Variants in DPP10 observed in about 807,000 individuals in gnomAD.
DPP10 encodes the protein inactive dipeptidyl peptidase 10.
In DPP10, 33 loss-of-function variants were observed where a neutral mutation model predicts 120.9. The observed-to-expected ratio is 0.27, with a 90% confidence interval of 0.21 to 0.37. The LOEUF is 0.37. Ranked by LOEUF, DPP10 falls within the 10% of genes least tolerant of loss-of-function variation. The probability of loss-of-function intolerance (pLI) is 1.00; values close to 1 mark genes in which losing one functional copy is unlikely to be tolerated. For missense variants in DPP10, 816 were observed against 942.8 expected, an observed-to-expected ratio of 0.87 and a Z score of 1.76; for synonymous variants, 337 against 326.1, an observed-to-expected ratio of 1.03 and a Z score of -0.36.
intron 5 of DPP10, among the ~76,000 whole-genome samples, chr2:115,542,985 T>A (rs966132481): frequency 6.6e-6 from 1 of 152,104 alleles, no homozygotes; most frequent in Admixed American, 6.6e-5. Flanking sequence ...ATTTACGAAA[T>A]GTTGTGTCAG....
At chr2:115,511,016 T>C (rs1483918801) in intron 4 of DPP10, among the ~76,000 whole-genome samples, 1 of 152,160 alleles carries the variant, frequency 6.6e-6, no homozygotes, top group South Asian at 2.1e-4. Context: ...ATTTGTTTAG[T>C]AGTCCAGGCT....
chr2:115,339,468 G>C (rs896872343), intron 2 of DPP10, among the ~76,000 whole-genome samples: 16 of 152,084 alleles, frequency 1.1e-4, no homozygotes, highest in Non-Finnish European at 2.9e-5. Context: ...TTATCTTGGA[G>C]AAAAGAAAAT....
intron 1 of DPP10, among the ~76,000 whole-genome samples, chr2:114,856,171 TATCA>T (rs1338312607): frequency 6.6e-6 from 1 of 152,194 alleles, no homozygotes; most frequent in Non-Finnish European, 1.5e-5. Flanking sequence ...CTTTTTTGGT[TATCA>T]GTGTGATAAA....
rs115178033 is a variant in DPP10, at chr2:115,749,047, A to G, written c.950+2864A>G. On this transcript the variant is annotated intron_variant, in intron 10 of 25. Transcript: ENST00000410059. The stretch of plus-strand genomic sequence containing the variant: ...AATGTAGCATGGTAGGAACTAAGAT[A>G]ATGCCCCTTTTTGAATATCCCCAGA... Among the ~76,000 whole-genome samples the G allele has an allele frequency of 2.6e-3, 394 of 152,296 alleles. 2 individuals carry two copies. The highest frequency in any genetic ancestry group is 9.2e-3 in the African/African-American group (383 of 41,570).
intron 3 of DPP10, among the ~76,000 whole-genome samples, chr2:115,462,520 G>T (rs2074052067): frequency 6.6e-6 from 1 of 151,956 alleles, no homozygotes; most frequent in African/African-American, 2.4e-5. Flanking sequence ...TGGAGGACAA[G>T]GTCCTCCATG....
At chr2:114,871,792 G>T (rs2106564366) in intron 1 of DPP10, among the ~76,000 whole-genome samples, 1 of 152,292 alleles carries the variant, frequency 6.6e-6, no homozygotes, top group Middle Eastern at 3.4e-3. Flanking sequence ...TAAGAGGTGA[G>T]TGGTGAACAA....
At chr2:114,553,322 T>A (rs1376847687) in intron 1 of DPP10, among the ~76,000 whole-genome samples, 1 of 152,184 alleles carries the variant, frequency 6.6e-6, no homozygotes, top group Non-Finnish European at 1.5e-5. Context: ...CCAGGTTAAA[T>A]CTTATAAGTG....
At chr2:114,864,269 G>A (rs571470081) in intron 1 of DPP10, among the ~76,000 whole-genome samples, 1 of 152,236 alleles carries the variant, frequency 6.6e-6, no homozygotes, top group South Asian at 2.1e-4. Flanking sequence ...GTGAATACAA[G>A]GATGGATAAA....
rs2066864833 is a variant in DPP10, at chr2:115,385,468, G to T, written c.271+41556G>T. Among the ~76,000 whole-genome samples, 3 of 151,214 alleles carry T rather than the reference G, an allele frequency of 2.0e-5. No individual in the cohort carries two copies. The South Asian group carries it at 6.3e-4, about 32-fold the overall frequency. On this transcript the variant is annotated intron_variant, in intron 3 of 25. Transcript: ENST00000410059. ...CCTCCTGGGTTCAAACAATTCTCCT[G>T]CCCCAGCCTCCTGAGTAGCTGGGAT...
chr2:114,500,229 A>T (rs927333842), intron 1 of DPP10, among the ~76,000 whole-genome samples: 3 of 152,238 alleles, frequency 2.0e-5, no homozygotes, highest in Non-Finnish European at 2.9e-5. Flanking sequence ...GATTCCATTG[A>T]CTAAATTAAA....
rs1377780831 is a variant in DPP10, at chr2:115,842,291, T to C, written c.2337T>C (p.Asp779=). 1.2e-6 allele frequency: 2 copies of C among 1,613,908 alleles called. No individual in the cohort carries two copies. The highest frequency in any genetic ancestry group is 2.2e-5 in the East Asian group (1 of 44,860). ...LYSTILKFFS[D]CLKEEISVLP... ...GCACAATCCTCAAATTCTTCAGTGA[T>C]TGTTTGAAGGAAGAAATATCTGTGC... Residue 779 remains aspartate (D), a synonymous_variant, in exon 26 of 26, where the codon GAT becomes GAC. Transcript: ENST00000410059.
intron 1 of DPP10, among the ~76,000 whole-genome samples, chr2:114,975,252 G>A (rs184843793): frequency 2.0e-5 from 3 of 152,144 alleles, no homozygotes; most frequent in Non-Finnish European, 2.9e-5. Context: ...CATCATGTTG[G>A]CCAAGGTGGT....
chr2:115,253,112 A>G (rs1188047444), intron 1 of DPP10, among the ~76,000 whole-genome samples: 1 of 152,134 alleles, frequency 6.6e-6, no homozygotes, highest in African/African-American at 2.4e-5. Flanking sequence ...GCTTACAATC[A>G]TGGAAGAAGG....
chr2:114,844,486 A>C (rs1440819783), intron 1 of DPP10, among the ~76,000 whole-genome samples: 1 of 151,766 alleles, frequency 6.6e-6, no homozygotes, highest in Non-Finnish European at 1.5e-5. Context: ...TTGTGAATAC[A>C]AGAACTGTAT....
chr2:114,816,928 G>A (rs761078098), intron 1 of DPP10, among the ~76,000 whole-genome samples: 2 of 152,124 alleles, frequency 1.3e-5, no homozygotes, highest in Non-Finnish European at 2.9e-5. Context: ...ATGAAACAAG[G>A]TAGTTTTTTA....
chr2:115,526,472 G>A (rs993365575), intron 5 of DPP10: 29 of 152,352 alleles, frequency 1.9e-4, no homozygotes, highest in African/African-American at 7.0e-4. Flanking sequence ...GGCAAGCCAA[G>A]CAATTAATTC....
chr2:115,517,610 A>G (rs1320373954), intron 4 of DPP10, among the ~76,000 whole-genome samples: 1 of 152,168 alleles, frequency 6.6e-6, no homozygotes, highest in African/African-American at 2.4e-5. Context: ...ATGATATGCC[A>G]TTCTTTACAT....
chr2:114,526,324 G>A (rs774335035), intron 1 of DPP10, among the ~76,000 whole-genome samples: 7 of 152,132 alleles, frequency 4.6e-5, no homozygotes, highest in Non-Finnish European at 7.4e-5. Context: ...TTTTATTGAC[G>A]ATTGGGGGAT....
At chr2:115,183,911 G>A (rs2054250966) in intron 1 of DPP10, among the ~76,000 whole-genome samples, 1 of 152,120 alleles carries the variant, frequency 6.6e-6, no homozygotes, top group African/African-American at 2.4e-5. Context: ...TGTTTCATGG[G>A]GGCCTCTAAA....
Sources: gnomAD v4.1 joint callset for allele counts (sites outside exome capture counted in the v4.1 genomes callset) on GRCh38, gnomAD v4.1.1 for gene constraint, MANE v1.5 for transcripts, NCBI Gene and HGNC (gene_info 2026-07-23, HGNC 2026-07-21) for gene names.